Variants in SRD5A1 observed in about 807,000 individuals in gnomAD.
The protein encoded by SRD5A1 is 3-oxo-5-alpha-steroid 4-dehydrogenase 1.
In SRD5A1, 22 loss-of-function variants were observed where a neutral mutation model predicts 28.2. That is an observed-to-expected ratio of 0.78 (90% CI 0.56 to 1.12). The LOEUF (loss-of-function observed/expected upper bound fraction) is 1.12. SRD5A1 is among the 50% of genes most tolerant of loss of function. The pLI, the probability that SRD5A1 is intolerant of heterozygous loss-of-function variation, is 0.00. For synonymous variants in SRD5A1, 151 were observed against 135.0 expected, an observed-to-expected ratio of 1.12 and a Z score of -0.82; for missense variants, 300 against 346.7, an observed-to-expected ratio of 0.87 and a Z score of 1.07.
chr5:6,661,555 CAG>C (rs1739002914), intron 3 of SRD5A1, among the ~76,000 whole-genome samples: 1 of 110,462 alleles, frequency 9.1e-6, no homozygotes, highest in Admixed American at 1.2e-4. Flanking sequence ...TTTTTTGAGA[CAG>C]AGTCTAGGTC....
chr5:6,648,270 C>T (rs1479795436), intron 1 of SRD5A1, among the ~76,000 whole-genome samples: 1 of 147,432 alleles, frequency 6.8e-6, no homozygotes, highest in African/African-American at 2.5e-5. Flanking sequence ...GGTTGCTCTC[C>T]TCGAGGAGTA....
intron 4 of SRD5A1, among the ~76,000 whole-genome samples, chr5:6,663,859 C>CA (rs11308252): frequency 2.8e-4 from 40 of 140,672 alleles, no homozygotes; most frequent in Middle Eastern, 7.1e-3. Context: ...GACTCAGTCT[C>CA]AAAAAAAAAA....
rs1426291662 is a variant in SRD5A1, at chr5:6,672,839, A to G, written c.*4571A>G. On this transcript the variant is annotated 3_prime_UTR_variant, in exon 5 of 5. Transcript: ENST00000274192. ...ATTCAACAGAATTAAAAAACTAGCT[A>G]GTTCTCTCAATAAAATAATACTTTC... The G allele has an allele frequency of 1.3e-5, 2 of 152,238 alleles. No individual in the cohort carries two copies. The highest frequency in any genetic ancestry group is 6.5e-5 in the Admixed American group (1 of 15,282). The allele number at this position is 152,238 out of a possible 1,614,324, so 9.4% of individuals were successfully genotyped here.
Position 6,670,482 on chromosome 5 carries a change from A to G in SRD5A1, c.*2214A>G, listed in dbSNP as rs1272782185. On this transcript the variant is annotated 3_prime_UTR_variant, in exon 5 of 5. Coordinates refer to ENST00000274192, the MANE Select transcript of SRD5A1 (RefSeq NM_001047.4). ...CTATCATGACCAAAGCTAAAATCCA[A>G]TGAGGCAGAGAACAATAGTTGTACC... 2.6e-5 allele frequency: 4 copies of G among 152,276 alleles called. No homozygotes were observed. The East Asian group carries it at 5.8e-4, about 22-fold the overall frequency. The allele number at this position is 152,276 out of a possible 1,614,324, so 9.4% of individuals were successfully genotyped here.
Position 6,673,440 on chromosome 5 carries a change from A to G in SRD5A1, c.*5172A>G, listed in dbSNP as rs951196563. The G allele has an allele frequency of 6.6e-6, 1 of 152,268 alleles. No homozygotes were observed. 9.4% of individuals were successfully genotyped at this position (152,268 alleles called of 1,614,324 possible). A position where few individuals can be genotyped will look rare whatever the true frequency, so the allele number is the denominator to read the frequency against. On this transcript the variant is annotated 3_prime_UTR_variant, in exon 5 of 5. Coordinates refer to ENST00000274192, the MANE Select transcript of SRD5A1 (RefSeq NM_001047.4). Reference sequence around the variant, plus strand: ...CCAGAAGACTGACATCACCAATGCTAGTGAGAATGTGGAGCAACAGGAACT... The same window carrying G: ...CCAGAAGACTGACATCACCAATGCTGGTGAGAATGTGGAGCAACAGGAACT...
In SRD5A1 at chr5:6,671,383, T is replaced by A. The variant is rs926681679; in HGVS notation, c.*3115T>A. 2 of 151,716 alleles carry A rather than the reference T, an allele frequency of 1.3e-5. No individual in the cohort carries two copies. Among genetic ancestry groups the A allele is most frequent in the East Asian group, 3.9e-4 (2 of 5,174 alleles). The allele number at this position is 151,716 out of a possible 1,614,324, so 9.4% of individuals were successfully genotyped here. On this transcript the variant is annotated 3_prime_UTR_variant, in exon 5 of 5. Coordinates refer to ENST00000274192, the MANE Select transcript of SRD5A1 (RefSeq NM_001047.4). ...TTTTTTTCTTACTGATTTGTTTGAG[T>A]TTGTTGTAGATTCTGGATATTAGTC...
intron 1 of SRD5A1, among the ~76,000 whole-genome samples, chr5:6,650,214 G>T (rs1455214630): frequency 6.6e-6 from 1 of 151,950 alleles, no homozygotes; most frequent in Non-Finnish European, 1.5e-5. Flanking sequence ...GACCAGACTA[G>T]AGATCAGACA....
chr5:6,645,182 C>T lies in SRD5A1; in HGVS notation c.294-6660C>T. On this transcript the variant is annotated intron_variant, in intron 1 of 4. Coordinates refer to ENST00000274192, the MANE Select transcript of SRD5A1 (RefSeq NM_001047.4). ...GCTTGAGGATGCACAGCCAGCATGACACTACTATTATGTGATTACTGTCGA... is the reference window on the plus strand; with the variant it reads ...GCTTGAGGATGCACAGCCAGCATGATACTACTATTATGTGATTACTGTCGA... The T allele has an allele frequency of 1.4e-5, 5 of 361,904 alleles. No individual in the cohort carries two copies. The East Asian group carries it at 3.7e-4, about 27-fold the overall frequency. The allele number at this position is 361,904 out of a possible 1,614,324, so 22.4% of individuals were successfully genotyped here.
chr5:6,633,711 C>A lies in SRD5A1; in HGVS notation c.135C>A (p.Ser45Arg). 6.3e-7 allele frequency: 1 copy of A among 1,593,288 alleles called. No individual in the cohort carries two copies. The highest frequency in any genetic ancestry group is 1.1e-5 in the South Asian group (1 of 90,732). The part of the protein sequence containing the change: ...NSVYGRHALP[S>R]HRLRVPARAA... ...TGTACGGCCGCCACGCGCTGCCCAG[C>A]CACAGGCTCCGAGTGCCGGCGCGGG... Residue 45 changes from serine (S) to arginine (R), a missense_variant, in exon 1 of 5, where the codon AGC (serine) becomes AGA (arginine). Physicochemically the swap from Ser to Arg is moderately radical, Grantham distance 110 (BLOSUM62 -1). Coordinates refer to ENST00000274192, the MANE Select transcript of SRD5A1 (RefSeq NM_001047.4).
chr5:6,661,673 C>G (rs1739006918), intron 3 of SRD5A1, among the ~76,000 whole-genome samples: 1 of 151,672 alleles, frequency 6.6e-6, no homozygotes, highest in South Asian at 2.1e-4. Flanking sequence ...GCTGGGACTA[C>G]AGGTGTGTGC....
chr5:6,656,708 A>G (rs904895389), intron 3 of SRD5A1, among the ~76,000 whole-genome samples: 4 of 152,160 alleles, frequency 2.6e-5, no homozygotes, highest in Non-Finnish European at 2.9e-5. Context: ...CTTGTATAGT[A>G]TGAAAAATCT....
At chr5:6,663,586 G>A (rs900153419) in intron 4 of SRD5A1, among the ~76,000 whole-genome samples, 20 of 152,314 alleles carry the variant, frequency 1.3e-4, no homozygotes, top group Non-Finnish European at 2.1e-4. Context: ...GGGACTGGGC[G>A]CGGTGGCTCA....
At chr5:6,639,444 G>A (rs900783851) in intron 1 of SRD5A1, among the ~76,000 whole-genome samples, 6 of 152,222 alleles carry the variant, frequency 3.9e-5, no homozygotes, top group African/African-American at 9.6e-5. Flanking sequence ...TCACTCAAGT[G>A]CTGCTTAGGA....
intron 4 of SRD5A1, 44 bp downstream of exon 4, chr5:6,663,010 C>G: frequency 1.9e-6 from 3 of 1,600,890 alleles, no homozygotes; most frequent in Non-Finnish European, 1.7e-6. Flanking sequence ...TGTTCTTTGA[C>G]TATATTATTA....
chr5:6,671,530 CTTTG>C lies in SRD5A1; in HGVS notation c.*3266_*3269del, dbSNP rs1461894240. The stretch of plus-strand genomic sequence containing the variant: ...GTTTAATTAAGTCCCATCTATTTAT[CTTTG>C]TTTTTATTGTTGGAAACTATTATTC... On this transcript the variant is annotated 3_prime_UTR_variant, in exon 5 of 5. Coordinates refer to ENST00000274192, the MANE Select transcript of SRD5A1 (RefSeq NM_001047.4). 2 of 152,088 alleles carry C rather than the reference CTTTG, an allele frequency of 1.3e-5. No individual in the cohort carries two copies. The highest frequency in any genetic ancestry group is 3.8e-4 in the East Asian group (2 of 5,200). 9.4% of individuals were successfully genotyped at this position (152,088 alleles called of 1,614,324 possible). A position where few individuals can be genotyped will look rare whatever the true frequency, so the allele number is the denominator to read the frequency against.
At chr5:6,664,205 G>A (rs940340399) in intron 4 of SRD5A1, among the ~76,000 whole-genome samples, 2 of 152,192 alleles carry the variant, frequency 1.3e-5, no homozygotes, top group Non-Finnish European at 2.9e-5. Context: ...GTGCAAAAAT[G>A]TATAACTCTG....
rs1739361136 is a variant in SRD5A1 at position 6,671,530 on chromosome 5, C to CT, written c.*3265dup. On this transcript the variant is annotated 3_prime_UTR_variant, in exon 5 of 5. Coordinates refer to ENST00000274192, the MANE Select transcript of SRD5A1 (RefSeq NM_001047.4). Reference sequence around the variant, plus strand: ...GTTTAATTAAGTCCCATCTATTTATCTTTGTTTTTATTGTTGGAAACTATT... The same window carrying CT: ...GTTTAATTAAGTCCCATCTATTTATCTTTTGTTTTTATTGTTGGAAACTATT... 1 of 152,088 alleles carries CT rather than the reference C, an allele frequency of 6.6e-6. No homozygotes were observed. Among genetic ancestry groups the CT allele is most frequent in the African/African-American group, 2.4e-5 (1 of 41,406 alleles). 9.4% of individuals were successfully genotyped at this position (152,088 alleles called of 1,614,324 possible). A position where few individuals can be genotyped will look rare whatever the true frequency, so the allele number is the denominator to read the frequency against.
chr5:6,634,000 G>A lies in SRD5A1; in HGVS notation c.293+131G>A, dbSNP rs571714865. On this transcript the variant is annotated intron_variant, in intron 1 of 4. Coordinates refer to ENST00000274192, the MANE Select transcript of SRD5A1 (RefSeq NM_001047.4). ...ATGCCCTCTCCCTGCCAGATCCCCC[G>A]GGGCGTCCCCCATCTGCACGGGTGC... 16 of 995,640 alleles carry A rather than the reference G, an allele frequency of 1.6e-5. No individual in the cohort carries two copies. The East Asian group carries it at 4.3e-4, about 27-fold the overall frequency. The allele number at this position is 995,640 out of a possible 1,614,324, so 61.7% of individuals were successfully genotyped here.
intron 1 of SRD5A1, among the ~76,000 whole-genome samples, chr5:6,634,820 G>T (rs986100865): frequency 6.6e-6 from 1 of 152,058 alleles, no homozygotes; most frequent in Non-Finnish European, 1.5e-5. Context: ...TCTCCAGGTC[G>T]TATCTTTTGG....
Sources: allele counts gnomAD v4.1 joint callset (sites outside exome capture counted in the v4.1 genomes callset), GRCh38; gene constraint gnomAD v4.1.1; transcripts MANE v1.5; gene names NCBI Gene and HGNC (gene_info 2026-07-23, HGNC 2026-07-21).